Variants in SGMS1 observed in about 807,000 individuals in gnomAD.
SGMS1 encodes phosphatidylcholine:ceramide cholinephosphotransferase 1.
A neutral mutation model predicts 46.2 loss-of-function variants in SGMS1; 13 were observed. That is an observed-to-expected ratio of 0.28 (90% CI 0.18 to 0.45). The LOEUF (loss-of-function observed/expected upper bound fraction) is 0.45, where lower values mean the gene tolerates loss of function less well. Ranked by LOEUF, SGMS1 falls within the 20% of genes least tolerant of loss-of-function variation. The pLI is 1.00. For synonymous variants in SGMS1, 203 were observed against 187.8 expected, an observed-to-expected ratio of 1.08 and a Z score of -0.66; for missense variants, 324 against 519.9, an observed-to-expected ratio of 0.62 and a Z score of 3.66.
chr10:50,317,820 T>TTC (rs1554921832), intron 8 of SGMS1, among the ~76,000 whole-genome samples: 2 of 151,024 alleles, frequency 1.3e-5, no homozygotes, highest in African/African-American at 4.9e-5. Flanking sequence ...TTTTTTTTTT[T>TTC]AGACAGTCTC....
At position 50,584,833 on chromosome 10, in the gene SGMS1, C is replaced by T. The variant is rs146902449; in HGVS notation, c.-589+5320G>A. On this transcript the variant is annotated intron_variant, in intron 2 of 10. Transcript: ENST00000361781. The stretch of plus-strand genomic sequence containing the variant: ...TGCAACTATAACATCCAAACAAATT[C>T]CCACTTCCTGAAAGACCTCTCAGGC... Among the ~76,000 whole-genome samples, 893 of 152,312 alleles carry T rather than the reference C, an allele frequency of 5.9e-3. 1 individual carries two copies. The highest frequency in any genetic ancestry group is 8.9e-3 in the Non-Finnish European group (606 of 68,030).
chr10:50,387,790 C>A (rs944268624), intron 6 of SGMS1, among the ~76,000 whole-genome samples: 3 of 152,150 alleles, frequency 2.0e-5, no homozygotes, highest in African/African-American at 7.2e-5. Context: ...CTCAGAGACT[C>A]CAGCACAGCC....
At chr10:50,536,021 A>G (rs566522645) in intron 2 of SGMS1, among the ~76,000 whole-genome samples, 1 of 152,094 alleles carries the variant, frequency 6.6e-6, no homozygotes, top group Non-Finnish European at 1.5e-5. Context: ...CCCCACACAT[A>G]TCCACTCCTT....
chr10:50,331,493 C>T (rs1847623255), intron 7 of SGMS1, among the ~76,000 whole-genome samples: 1 of 152,204 alleles, frequency 6.6e-6, no homozygotes, highest in Non-Finnish European at 1.5e-5. Context: ...TCTAGTATCA[C>T]ATAGCTATCT....
At chr10:50,356,723 AT>A (rs1333091420) in intron 6 of SGMS1, among the ~76,000 whole-genome samples, 2 of 152,034 alleles carry the variant, frequency 1.3e-5, no homozygotes, top group Admixed American at 6.5e-5. Flanking sequence ...AAATAAAAAA[AT>A]AAAAAATAAA....
chr10:50,374,402 A>G (rs1168297153), intron 6 of SGMS1, among the ~76,000 whole-genome samples: 2 of 152,090 alleles, frequency 1.3e-5, no homozygotes, highest in Non-Finnish European at 2.9e-5. Flanking sequence ...GTGAGTACAT[A>G]TGAGAGTGCA....
At chr10:50,472,818 C>T (rs1432500597) in intron 3 of SGMS1, 1 of 152,072 alleles carries the variant, frequency 6.6e-6, no homozygotes, top group Admixed American at 6.6e-5. Flanking sequence ...CCCTTTTCTC[C>T]ACACTAGTCA....
At chr10:50,403,584 C>T (rs1025140951) in intron 6 of SGMS1, among the ~76,000 whole-genome samples, 1 of 151,910 alleles carries the variant, frequency 6.6e-6, no homozygotes, top group Non-Finnish European at 1.5e-5. Context: ...GCTCAGGATA[C>T]AGAAGTGAGC....
At chr10:50,504,932 C>T (rs915687456) in intron 3 of SGMS1, among the ~76,000 whole-genome samples, 1 of 152,136 alleles carries the variant, frequency 6.6e-6, no homozygotes, top group African/African-American at 2.4e-5. Context: ...AAAAAGTCAA[C>T]AGCTTGGCCA....
intron 8 of SGMS1, among the ~76,000 whole-genome samples, chr10:50,313,058 G>A (rs1847282188): frequency 6.6e-6 from 1 of 152,204 alleles, no homozygotes; most frequent in Non-Finnish European, 1.5e-5. Flanking sequence ...GAAACAAAAT[G>A]TTGTGCAGAG....
In SGMS1 at chr10:50,350,213, T is replaced by C. The variant is rs1213418057; in HGVS notation, c.-231-5868A>G. Among the ~76,000 whole-genome samples, 5 of 152,174 alleles carry C rather than the reference T, an allele frequency of 3.3e-5. No individual in the cohort carries two copies. The East Asian group carries it at 9.6e-4, about 29-fold the overall frequency. ...ATTTTGCCCCTGCCCTAGAGATTTG[T>C]GGAACTTTGAACTTGAGAGAGACGT... is the stretch of plus-strand genomic sequence containing the variant. On this transcript the variant is annotated intron_variant, in intron 6 of 10. Coordinates refer to ENST00000361781, the MANE Select transcript of SGMS1 (RefSeq NM_147156.4).
chr10:50,351,116 G>A (rs1315589085), intron 6 of SGMS1, among the ~76,000 whole-genome samples: 2 of 152,248 alleles, frequency 1.3e-5, no homozygotes, highest in African/African-American at 4.8e-5. Flanking sequence ...TGACCAAGAT[G>A]TGAGACCTGG....
intron 6 of SGMS1, among the ~76,000 whole-genome samples, chr10:50,367,860 T>C (rs949180974): frequency 6.6e-5 from 10 of 152,146 alleles, no homozygotes; most frequent in African/African-American, 2.4e-4. Context: ...ATAATCCTTA[T>C]CCATGAAGTA....
intron 2 of SGMS1, among the ~76,000 whole-genome samples, chr10:50,565,653 C>G (rs907811032): frequency 2.0e-5 from 3 of 152,200 alleles, no homozygotes; most frequent in African/African-American, 7.2e-5. Context: ...AATGACATAG[C>G]GTCTGACTCC....
chr10:50,611,877 C>T (rs920327861), intron 1 of SGMS1, among the ~76,000 whole-genome samples: 5 of 152,188 alleles, frequency 3.3e-5, no homozygotes, highest in African/African-American at 9.7e-5. Context: ...CTGGCACCCC[C>T]CATCCCCTTT....
Position 50,440,763 on chromosome 10 carries a change from C to G in SGMS1, c.-312-7207G>C, listed in dbSNP as rs1479178994. Among the ~76,000 whole-genome samples, 4 of 152,140 alleles carry G rather than the reference C, an allele frequency of 2.6e-5. No individual in the cohort carries two copies. The East Asian group carries it at 7.7e-4, about 29-fold the overall frequency. On this transcript the variant is annotated intron_variant, in intron 5 of 10. Transcript: ENST00000361781. ...TAGCTGGGACTACAGGTGCATACTACCATGGCCAGCTAATTTTTGCTTGTT... is the reference window on the plus strand; with the variant it reads ...TAGCTGGGACTACAGGTGCATACTAGCATGGCCAGCTAATTTTTGCTTGTT...
At chr10:50,344,437 C>T (rs970297339) in intron 6 of SGMS1, 92 bp from the exon 7 acceptor site, 11 of 242,946 alleles carry the variant, frequency 4.5e-5, no homozygotes, top group Admixed American at 4.4e-4. Context: ...AAGTAGAAAA[C>T]CAGTTATTGG....
At chr10:50,595,810 T>C (rs577050560) in intron 1 of SGMS1, among the ~76,000 whole-genome samples, 2 of 152,318 alleles carry the variant, frequency 1.3e-5, no homozygotes, top group East Asian at 1.9e-4. Flanking sequence ...GTAGCTTTCA[T>C]GCCCCCATCA....
intron 7 of SGMS1, chr10:50,328,138 A>C: frequency 3.1e-6 from 1 of 322,128 alleles, no homozygotes; most frequent in South Asian, 2.5e-5. Context: ...ATACATACAC[A>C]TGTATATTGA....
Sources: gnomAD v4.1 joint callset for allele counts (sites outside exome capture counted in the v4.1 genomes callset) on GRCh38, gnomAD v4.1.1 for gene constraint, MANE v1.5 for transcripts, NCBI Gene and HGNC (gene_info 2026-07-23, HGNC 2026-07-21) for gene names.